The following PTPRK variants were observed in gnomAD, a reference collection of about 807,000 sequenced individuals.
The protein encoded by PTPRK is protein tyrosine phosphatase receptor type K, also known as receptor-type tyrosine-protein phosphatase kappa.
Under a neutral mutation model 178.0 loss-of-function variants are expected in PTPRK, and 75 were observed. The observed-to-expected ratio is 0.42, with a 90% confidence interval of 0.35 to 0.51. PTPRK has a LOEUF of 0.51. PTPRK is among the 20% of genes least tolerant of loss of function. The pLI, the probability that PTPRK is intolerant of heterozygous loss-of-function variation, is 0.02. For missense variants in PTPRK, 1,441 were observed against 1,797.8 expected (o/e 0.80, Z 3.59); for synonymous variants, 637 against 620.6 (o/e 1.03, Z -0.39).
chr6:128,256,813 G>A (rs937934903), intron 3 of PTPRK, among the ~76,000 whole-genome samples: 9 of 152,078 alleles, frequency 5.9e-5, no homozygotes, highest in Non-Finnish European at 1.2e-4. Flanking sequence ...TTAAAACACT[G>A]CAAAAAAAGA....
intron 1 of PTPRK, among the ~76,000 whole-genome samples, chr6:128,496,520 A>ACT (rs1408907834): frequency 1.3e-5 from 2 of 152,172 alleles, no homozygotes; most frequent in African/African-American, 4.8e-5. Flanking sequence ...AAAATATTAA[A>ACT]CCTAAGTGAA....
rs553643827 is a variant in PTPRK, at chr6:128,467,864, A to G, written c.100+52395T>C. On this transcript the variant is annotated intron_variant, in intron 1 of 29. Coordinates refer to ENST00000368226, the MANE Select transcript of PTPRK (RefSeq NM_002844.4). ...AATTAGAAGCAAATGTAACTGTCCC[A>G]TTAATCCTCTCATTGGCCATTAAAT... Among the ~76,000 whole-genome samples, 132 of 148,944 alleles carry G rather than the reference A, an allele frequency of 8.9e-4. 1 individual carries two copies. Among genetic ancestry groups the G allele is most frequent in the Non-Finnish European group, 1.7e-3 (110 of 66,500 alleles).
At chr6:128,402,792 A>G (rs1841198143) in intron 1 of PTPRK, among the ~76,000 whole-genome samples, 1 of 152,184 alleles carries the variant, frequency 6.6e-6, no homozygotes, top group South Asian at 2.1e-4. Context: ...ACAAGTAACA[A>G]ATGGTTTTAA....
chr6:128,028,891 A>ATTCTACTTGGGGAGTAGAATTCTG (rs1774790925), intron 13 of PTPRK, among the ~76,000 whole-genome samples: 3 of 152,330 alleles, frequency 2.0e-5, no homozygotes, highest in Admixed American at 1.3e-4. Flanking sequence ...CATGACCATA[A>ATTCTACTTGGGGAGTAGAATTCTG]TTCTACTCCC....
At chr6:128,368,060 C>T (rs1274355073) in intron 2 of PTPRK, among the ~76,000 whole-genome samples, 1 of 152,136 alleles carries the variant, frequency 6.6e-6, no homozygotes, top group Non-Finnish European at 1.5e-5. Flanking sequence ...TCCTCTCATT[C>T]CAAAATTGCT....
In PTPRK at chr6:128,299,176, T is replaced by C. The variant is rs1479153900; in HGVS notation, c.495+22863A>G. Among the ~76,000 whole-genome samples, 852 of 152,078 alleles carry C rather than the reference T, an allele frequency of 5.6e-3. 10 individuals are homozygous for C. The highest frequency in any genetic ancestry group is 0.02 in the African/African-American group (813 of 41,414). ...TCCAACTTACAAGGGACGTGAAGGATATCTTCAAGGAGAACTACAAACCAC... is the reference window on the plus strand; with the variant it reads ...TCCAACTTACAAGGGACGTGAAGGACATCTTCAAGGAGAACTACAAACCAC... On this transcript the variant is annotated intron_variant, in intron 3 of 29. Coordinates refer to ENST00000368226, the MANE Select transcript of PTPRK (RefSeq NM_002844.4).
At chr6:128,095,425 C>T (rs894211055) in intron 7 of PTPRK, among the ~76,000 whole-genome samples, 1 of 151,940 alleles carries the variant, frequency 6.6e-6, no homozygotes, top group Non-Finnish European at 1.5e-5. Flanking sequence ...TGTTGTTGTT[C>T]TGTTGTTTTG....
intron 3 of PTPRK, among the ~76,000 whole-genome samples, chr6:128,291,388 T>G (rs1823360591): frequency 6.6e-6 from 1 of 152,142 alleles, no homozygotes; most frequent in South Asian, 2.1e-4. Context: ...GTCAGGCTAC[T>G]GACCTAGAAC....
chr6:128,170,045 G>A, intron 7 of PTPRK, among the ~76,000 whole-genome samples: 1 of 151,988 alleles, frequency 6.6e-6, no homozygotes, highest in East Asian at 1.9e-4. Flanking sequence ...ATTTAAATTA[G>A]ACTGTGAGCA....
intron 2 of PTPRK, among the ~76,000 whole-genome samples, chr6:128,351,355 G>C (rs1223912354): frequency 6.6e-6 from 1 of 152,022 alleles, no homozygotes; most frequent in Non-Finnish European, 1.5e-5. Flanking sequence ...GACATGTTCA[G>C]ACAAAAAGGA....
At chr6:128,475,133 T>C (rs996397010) in intron 1 of PTPRK, among the ~76,000 whole-genome samples, 20 of 152,140 alleles carry the variant, frequency 1.3e-4, no homozygotes, top group Admixed American at 9.2e-4. Context: ...GGCCGAATCC[T>C]GGCCCTGTTA....
intron 13 of PTPRK, among the ~76,000 whole-genome samples, chr6:128,027,492 T>C (rs985204779): frequency 9.2e-5 from 14 of 152,190 alleles, no homozygotes; most frequent in African/African-American, 3.4e-4. Flanking sequence ...AAAATGTTCA[T>C]AGCTTCCTCT....
intron 8 of PTPRK, 112 bp downstream of exon 8, chr6:128,089,578 A>T: frequency 8.8e-7 from 1 of 1,142,776 alleles, no homozygotes; most frequent in South Asian, 1.5e-5. Context: ...AATAACATTT[A>T]GATGATTTCA....
intron 5 of PTPRK, chr6:128,235,538 T>A (rs1583617039): frequency 4.0e-6 from 2 of 496,482 alleles, no homozygotes; most frequent in East Asian, 1.2e-4. Flanking sequence ...AATACAGACA[T>A]CCTTCCTTAT....
At chr6:128,255,277 C>T (rs944229777) in intron 3 of PTPRK, among the ~76,000 whole-genome samples, 1 of 152,202 alleles carries the variant, frequency 6.6e-6, no homozygotes, top group African/African-American at 2.4e-5. Context: ...GCGTGAGCCA[C>T]CATGCCGGGC....
At chr6:128,068,152 G>A (rs1396529492) in intron 11 of PTPRK, among the ~76,000 whole-genome samples, 3 of 152,164 alleles carry the variant, frequency 2.0e-5, no homozygotes, top group Non-Finnish European at 4.4e-5. Flanking sequence ...AATGTTTAAA[G>A]TTAACATTTT....
At chr6:128,496,311 G>A (rs1175262168) in intron 1 of PTPRK, among the ~76,000 whole-genome samples, 2 of 152,192 alleles carry the variant, frequency 1.3e-5, no homozygotes, top group Non-Finnish European at 2.9e-5. Flanking sequence ...AAGTAGAGCA[G>A]GGATGGGGGC....
At chr6:127,994,962 G>C (rs1174225187) in intron 18 of PTPRK, among the ~76,000 whole-genome samples, 2 of 151,804 alleles carry the variant, frequency 1.3e-5, no homozygotes, top group Non-Finnish European at 2.9e-5. Flanking sequence ...GGAAGGGTAA[G>C]AATAAAAGCC....
intron 10 of PTPRK, among the ~76,000 whole-genome samples, chr6:128,080,279 G>A (rs147955263): frequency 2.6e-5 from 4 of 152,044 alleles, no homozygotes; most frequent in African/African-American, 9.6e-5. Context: ...GTAGAGGATG[G>A]GAGGAGTCAT....
Sources: gnomAD v4.1 joint callset for allele counts (sites outside exome capture counted in the v4.1 genomes callset) on GRCh38, gnomAD v4.1.1 for gene constraint, MANE v1.5 for transcripts, NCBI Gene and HGNC (gene_info 2026-07-23, HGNC 2026-07-21) for gene names.